The following ZNF69 variants were observed in gnomAD, a reference collection of about 807,000 sequenced individuals.
The protein encoded by ZNF69 is zinc finger protein 69, also known as ZNF3.
In ZNF69, 47 loss-of-function variants were observed where a neutral mutation model predicts 50.9. That is an observed-to-expected ratio of 0.92 (90% CI 0.73 to 1.18). The LOEUF (loss-of-function observed/expected upper bound fraction) is 1.18, where lower values mean the gene tolerates loss of function less well. Ranked by LOEUF, ZNF69 falls within the 50% of genes most tolerant of loss-of-function variation. The probability of loss-of-function intolerance (pLI) is 0.00; values close to 1 mark genes in which losing one functional copy is unlikely to be tolerated. For synonymous variants in ZNF69, 216 were observed against 223.1 expected, an observed-to-expected ratio of 0.97 and a Z score of 0.29; for missense variants, 717 against 675.1, an observed-to-expected ratio of 1.06 and a Z score of -0.69.
chr19:11,893,429 G>C (rs901009966), intron 1 of ZNF69, among the ~76,000 whole-genome samples: 5 of 152,026 alleles, frequency 3.3e-5, no homozygotes, highest in African/African-American at 1.2e-4. Flanking sequence ...ACTCTTCAAG[G>C]GCTTGCAGTG....
At chr19:11,978,794 C>G in the ZNF69 span, 3 of 1,613,940 alleles carry the variant, frequency 1.9e-6, no homozygotes, top group Non-Finnish European at 2.5e-6. Context: ...AACAATGTGG[C>G]AAATCCTTCA....
At chr19:11,893,925 G>A (rs140976343) in intron 1 of ZNF69, among the ~76,000 whole-genome samples, 2 of 152,302 alleles carry the variant, frequency 1.3e-5, no homozygotes, top group African/African-American at 4.8e-5. Flanking sequence ...CCTGTCCTCT[G>A]GATTGTCTCA....
At chr19:11,925,152 C>A in the ZNF69 span, 2 of 1,599,784 alleles carry the variant, frequency 1.3e-6, no homozygotes, top group Admixed American at 1.7e-5. Flanking sequence ...ACCGGTCAGA[C>A]CAGCCCGAGA....
the ZNF69 span, among the ~76,000 whole-genome samples, chr19:11,934,108 C>T: frequency 2.3e-4 from 34 of 147,944 alleles, 2 homozygotes; most frequent in African/African-American, 7.2e-4. Flanking sequence ...ACATGGGAGA[C>T]AGAGGTGAGA....
chr19:11,894,962 G>A (rs1003148301), intron 1 of ZNF69, among the ~76,000 whole-genome samples: 10 of 152,170 alleles, frequency 6.6e-5, no homozygotes, highest in African/African-American at 2.2e-4. Flanking sequence ...GGTTCACAGC[G>A]GGGCATAGTG....
chr19:11,950,182 C>T, the ZNF69 span: 13 of 1,613,940 alleles, frequency 8.1e-6, no homozygotes, highest in East Asian at 2.7e-4. Flanking sequence ...TTCTTCCTTG[C>T]ATATACACGC....
the ZNF69 span, chr19:11,965,280 G>A: frequency 6.2e-7 from 1 of 1,606,600 alleles, no homozygotes; most frequent in African/African-American, 1.3e-5. Flanking sequence ...AACCGGCTGC[G>A]GCGGGACCCG....
the ZNF69 span, chr19:11,950,457 G>T: frequency 7.3e-5 from 50 of 685,542 alleles, no homozygotes; most frequent in Non-Finnish European, 1.0e-4. Context: ...GGACTCACAC[G>T]GGAGAGAAAC....
the ZNF69 span, among the ~76,000 whole-genome samples, chr19:11,944,002 C>T: frequency 6.6e-6 from 1 of 152,004 alleles, no homozygotes; most frequent in East Asian, 1.9e-4. Flanking sequence ...GCCGGGATTC[C>T]CTCTACCTTC....
rs553560255 is a variant in ZNF69 at position 11,911,790 on chromosome 19, G to A, written c.449-1619G>A. On this transcript the variant is annotated intron_variant, in intron 4 of 4. Coordinates refer to the ZNF69 transcript ENST00000340180. ...CATATGTAACAAACCTGCACATTGT[G>A]CACATGTACCCTAGAACTTAAAGTA... is the stretch of plus-strand genomic sequence containing the variant. Among the ~76,000 whole-genome samples the A allele has an allele frequency of 2.6e-4, 40 of 152,180 alleles. 1 individual carries two copies. Among genetic ancestry groups the A allele is most frequent in the African/African-American group, 9.4e-4 (39 of 41,530 alleles).
In ZNF69 at chr19:11,904,761, G is replaced by A. The variant is rs777234322; in HGVS notation, c.364G>A (p.Glu122Lys). 1.7e-5 allele frequency: 27 copies of A among 1,613,804 alleles called. No individual in the cohort carries two copies. Among genetic ancestry groups the A allele is most frequent in the Middle Eastern group, 1.6e-4 (1 of 6,078 alleles). Residue 122 changes from glutamate to lysine, a missense_variant, in exon 4 of 4, where the codon GAA becomes AAA. Glu to Lys is a moderately conservative substitution (Grantham distance 56). Coordinates refer to ENST00000429654, the MANE Select transcript of ZNF69 (RefSeq NM_001364730.1). ...LNFQEKKASP[E>K]IKSCDSFVCG... Reference sequence around the variant, plus strand: ...CTTCCAGGAGAAGAAAGCTTCTCCTGAAATAAAATCATGTGACAGCTTTGT... The same window carrying A: ...CTTCCAGGAGAAGAAAGCTTCTCCTAAAATAAAATCATGTGACAGCTTTGT...
At position 11,902,004 on chromosome 19, in the gene ZNF69, G is replaced by A. The variant is rs556380866; in HGVS notation, c.64-1569G>A. The stretch of plus-strand genomic sequence containing the variant: ...TTTTTTTTTTTTTTTTTTTTGAATC[G>A]GAGTTTCACTCTTGTTGCCCAGGCT... On this transcript the variant is annotated intron_variant, in intron 1 of 3. Coordinates refer to ENST00000429654, the MANE Select transcript of ZNF69 (RefSeq NM_001364730.1). Among the ~76,000 whole-genome samples the A allele has an allele frequency of 6.5e-5, 8 of 123,306 alleles. No individual in the cohort carries two copies. In the East Asian group the frequency reaches 6.7e-4, roughly 10 times the overall value. The allele number at this position is 123,306 out of a possible 152,430, so 80.9% of individuals were successfully genotyped here.
chr19:11,964,942 C>T, the ZNF69 span: 10 of 462,210 alleles, frequency 2.2e-5, no homozygotes, highest in African/African-American at 2.0e-4. Context: ...TCCGCTGTCA[C>T]TCAGAAGTGA....
chr19:11,975,025 C>G, the ZNF69 span, among the ~76,000 whole-genome samples: 1 of 152,056 alleles, frequency 6.6e-6, no homozygotes, highest in South Asian at 2.1e-4. Flanking sequence ...AAGATGAATT[C>G]TATTGTGTTC....
intron 4 of ZNF69, among the ~76,000 whole-genome samples, chr19:11,913,182 G>A (rs1007752931): frequency 3.3e-5 from 5 of 151,774 alleles, no homozygotes; most frequent in Non-Finnish European, 7.4e-5. Context: ...GGGCGACAGA[G>A]TGAGGCTCCG....
downstream of ZNF69, among the ~76,000 whole-genome samples, chr19:11,915,509 G>T (rs148559036): frequency 3.1e-3 from 474 of 152,324 alleles, 2 homozygotes; most frequent in Middle Eastern, 0.017. Flanking sequence ...GAGGACACTG[G>T]AGCACAGGCC....
chr19:11,905,540 T>TCA lies in ZNF69; in HGVS notation c.1146_1147dup (p.Ser383ThrfsTer75), dbSNP rs1172443260. 6.2e-7 allele frequency: 1 copy of TCA among 1,613,664 alleles called. No homozygotes were observed. Among genetic ancestry groups the TCA allele is most frequent in the Non-Finnish European group, 8.5e-7 (1 of 1,179,958 alleles). The stretch of plus-strand genomic sequence containing the variant: ...ATTCATTTCAAAGACATGAAAAAAC[T>TCA]CACAGTGGAGAGAAACCCTATAAAT... On this transcript the variant is annotated frameshift_variant, in exon 4 of 4. Transcript: ENST00000429654. LOFTEE classifies it high-confidence loss of function.
chr19:11,947,685 T>C, the ZNF69 span: 2 of 1,093,706 alleles, frequency 1.8e-6, no homozygotes, highest in South Asian at 2.8e-5. Context: ...AATTCATTTC[T>C]TCTTAGAATA....
intron 1 of ZNF69, among the ~76,000 whole-genome samples, chr19:11,901,770 C>T (rs1309724422): frequency 1.3e-5 from 2 of 152,104 alleles, no homozygotes; most frequent in Non-Finnish European, 2.9e-5. Context: ...AGGCATGAGC[C>T]ACCATGCCTG....
Sources: gnomAD v4.1 joint callset for allele counts (sites outside exome capture counted in the v4.1 genomes callset) on GRCh38, gnomAD v4.1.1 for gene constraint, MANE v1.5 for transcripts, NCBI Gene and HGNC (gene_info 2026-07-23, HGNC 2026-07-21) for gene names.